CCZ1B: variants seen among roughly 807,000 people sequenced by gnomAD.
CCZ1B encodes the protein CCZ1B vacuolar protein trafficking and biogenesis associated.
CCZ1B carries 25 observed loss-of-function variants against 58.8 expected under a neutral mutation model. That is an observed-to-expected ratio of 0.43 (90% CI 0.31 to 0.59). The LOEUF (loss-of-function observed/expected upper bound fraction) is 0.59, where lower values mean the gene tolerates loss of function less well. CCZ1B is among the 20% of genes least tolerant of loss of function. The pLI is 0.12. For synonymous variants in CCZ1B, 66 were observed against 173.2 expected (o/e 0.38, Z 4.86); for missense variants, 180 against 501.5 (o/e 0.36, Z 6.12).
rs565470882 is a variant in CCZ1B at position 6,817,425 on chromosome 7, C to T, written c.698+2341G>A. ...GTCCCAGAGATCAGAATCTCAGCTA[C>T]CCTTCTCTTTTTGGTGGAAGCAAGG... On this transcript the variant is annotated intron_variant, in intron 7 of 14. Coordinates refer to ENST00000316731, the MANE Select transcript of CCZ1B (RefSeq NM_198097.5). 2.8e-4 allele frequency among the ~76,000 whole-genome samples: 42 copies of T among 150,532 alleles called. 1 individual carries two copies. In the East Asian group the frequency reaches 7.9e-3, roughly 28 times the overall value.
At position 6,814,848 on chromosome 7, in the gene CCZ1B, G is replaced by T. The variant is rs377404953; in HGVS notation, c.699-3C>A. 4.4e-5 allele frequency: 70 copies of T among 1,596,206 alleles called. 3 individuals carry two copies. The highest frequency in any genetic ancestry group is 5.8e-5 in the Non-Finnish European group (68 of 1,171,352). On this transcript the variant is annotated splice_polypyrimidine_tract_variant and splice_region_variant and intron_variant, in intron 7 of 14. Coordinates refer to ENST00000316731, the MANE Select transcript of CCZ1B (RefSeq NM_198097.5). Reference sequence around the variant, plus strand: ...TGTCATCTTGTTCTAATCCACTCCTGCAACAACAGAAAAGCACTGGGTTAA... The same window carrying T: ...TGTCATCTTGTTCTAATCCACTCCTTCAACAACAGAAAAGCACTGGGTTAA...
chr7:6,818,766 A>C (rs4724854), intron 7 of CCZ1B, among the ~76,000 whole-genome samples: 33,291 of 139,964 alleles, frequency 0.24, 4,802 homozygotes, highest in South Asian at 0.46. Context: ...GGAACATAAA[A>C]CTTGAGGGTC....
At chr7:6,821,360 C>T (rs1215009433) in intron 6 of CCZ1B, among the ~76,000 whole-genome samples, 1 of 151,858 alleles carries the variant, frequency 6.6e-6, no homozygotes, top group Non-Finnish European at 1.5e-5. Flanking sequence ...GTACTCAGGA[C>T]AACAGTTCTA....
At chr7:6,799,503 C>T in intron 14 of CCZ1B, 1 of 133,000 alleles carries the variant, frequency 7.5e-6, no homozygotes, top group Non-Finnish European at 1.2e-5. Flanking sequence ...TCTTGGCTCA[C>T]TGCAGCCTCT....
Position 6,804,122 on chromosome 7 carries a change from A to C in CCZ1B, c.1106+816T>G, listed in dbSNP as rs1230054250. On this transcript the variant is annotated intron_variant, in intron 12 of 14. Transcript: ENST00000316731. ...ACTTTCACTTTATAATAACTATTTTATATTGAGAAAAGATAGGCATGGCCG... is the reference window on the plus strand; with the variant it reads ...ACTTTCACTTTATAATAACTATTTTCTATTGAGAAAAGATAGGCATGGCCG... Among the ~76,000 whole-genome samples the C allele has an allele frequency of 4.0e-5, 6 of 150,660 alleles. No homozygotes were observed. The East Asian group carries it at 1.2e-3, about 30-fold the overall frequency.
In CCZ1B at chr7:6,801,111, C is replaced by T; in HGVS notation, c.1266-36G>A. The T allele has an allele frequency of 2.2e-6, 3 of 1,345,144 alleles. 1 individual carries two copies. The highest frequency in any genetic ancestry group is 1.9e-6 in the Non-Finnish European group (2 of 1,033,864). 83.3% of individuals were successfully genotyped at this position (1,345,144 alleles called of 1,614,324 possible). A position where few individuals can be genotyped will look rare whatever the true frequency, so the allele number is the denominator to read the frequency against. Reference sequence around the variant, plus strand: ...AGGGTCAAAATGCAATTGTTCGTTACTCATACGGCCAGACTGTGAGAATAA... The same window carrying T: ...AGGGTCAAAATGCAATTGTTCGTTATTCATACGGCCAGACTGTGAGAATAA... On this transcript the variant is annotated intron_variant, in intron 13 of 14. Transcript: ENST00000316731.
Position 6,818,425 on chromosome 7 carries a change from T to C in CCZ1B, c.698+1341A>G, listed in dbSNP as rs1489902777. Among the ~76,000 whole-genome samples, 2 of 149,234 alleles carry C rather than the reference T, an allele frequency of 1.3e-5. 1 individual carries two copies. Among genetic ancestry groups the C allele is most frequent in the Non-Finnish European group, 3.0e-5 (2 of 67,616 alleles). On this transcript the variant is annotated intron_variant, in intron 7 of 14. Transcript: ENST00000316731. ...TTAGCCGGGCATGGTGGCATATGCCTGTAATCCCAGCTACCTGGGAGGCTG... is the reference window on the plus strand; with the variant it reads ...TTAGCCGGGCATGGTGGCATATGCCCGTAATCCCAGCTACCTGGGAGGCTG...
At chr7:6,804,559 C>A (rs1461189625) in intron 12 of CCZ1B, among the ~76,000 whole-genome samples, 42 of 99,886 alleles carry the variant, frequency 4.2e-4, no homozygotes, top group Non-Finnish European at 7.0e-4. Flanking sequence ...TGCCCCACAT[C>A]CCAGCCAGTT....
intron 12 of CCZ1B, among the ~76,000 whole-genome samples, chr7:6,803,820 G>C (rs1483357194): frequency 1.3e-5 from 2 of 151,356 alleles, no homozygotes; most frequent in Non-Finnish European, 2.9e-5. Context: ...AATTAGCCAG[G>C]CATGATGGCA....
At chr7:6,822,670 G>T (rs1260325626) in intron 5 of CCZ1B, among the ~76,000 whole-genome samples, 1 of 141,140 alleles carries the variant, frequency 7.1e-6, no homozygotes, top group African/African-American at 2.7e-5. Context: ...ATTTTTCAGT[G>T]TTCTGTTAAT....
chr7:6,823,515 C>CTTTTTT (rs897480782), intron 4 of CCZ1B, among the ~76,000 whole-genome samples, 155 bp from the exon 5 acceptor site: 1,189 of 104,750 alleles, frequency 0.011, 26 homozygotes, highest in Middle Eastern at 0.033. Context: ...TGTTTGCGTT[C>CTTTTTT]TTTTTTTTTT....
At chr7:6,814,571 C>G (rs1461689095) in intron 8 of CCZ1B, 193 bp downstream of exon 8, 2 of 458,096 alleles carry the variant, frequency 4.4e-6, no homozygotes, top group Admixed American at 8.2e-5. Flanking sequence ...TGTATCACAT[C>G]TGAATGTCAC....
chr7:6,800,800 C>G (rs1303738804), intron 14 of CCZ1B, 148 bp downstream of exon 14: 6 of 324,618 alleles, frequency 1.8e-5, no homozygotes, highest in Admixed American at 1.7e-4. Flanking sequence ...TTCCAAGGAA[C>G]AGAAAATGGA....
rs1359118725 is a variant in CCZ1B at position 6,807,469 on chromosome 7, GA to G, written c.955-1433del. Among the ~76,000 whole-genome samples, 17 of 135,282 alleles carry G rather than the reference GA, an allele frequency of 1.3e-4. No individual in the cohort carries two copies. The East Asian group carries it at 2.7e-3, about 22-fold the overall frequency. 88.8% of individuals were successfully genotyped at this position (135,282 alleles called of 152,430 possible). A position where few individuals can be genotyped will look rare whatever the true frequency, so the allele number is the denominator to read the frequency against. ...GAAACCAAAAGTTGTTCTCTGAAAAGACCCAACATTGAAAAACTTTTCCTTT... is the reference window on the plus strand; with the variant it reads ...GAAACCAAAAGTTGTTCTCTGAAAAGCCCAACATTGAAAAACTTTTCCTTT... On this transcript the variant is annotated intron_variant, in intron 10 of 14. Transcript: ENST00000316731.
At chr7:6,822,547 A>G in intron 5 of CCZ1B, 183 bp from the exon 6 acceptor site, 1 of 1,182,188 alleles carries the variant, frequency 8.5e-7, no homozygotes. Context: ...AAATACTGTT[A>G]AGTGATGCTG....
chr7:6,808,408 A>G (rs199697112), intron 10 of CCZ1B, among the ~76,000 whole-genome samples: 2 of 122,452 alleles, frequency 1.6e-5, no homozygotes, highest in Middle Eastern at 4.4e-3. Context: ...ACAAAAAACA[A>G]AACAAAAACC....
intron 6 of CCZ1B, among the ~76,000 whole-genome samples, chr7:6,820,543 C>T (rs1783091985): frequency 6.8e-6 from 1 of 147,906 alleles, no homozygotes; most frequent in African/African-American, 2.6e-5. Flanking sequence ...TCTTGAACTT[C>T]TGGCCTCCGT....
intron 1 of CCZ1B, among the ~76,000 whole-genome samples, chr7:6,825,750 G>A (rs1783186271): frequency 8.0e-6 from 1 of 124,902 alleles, no homozygotes; most frequent in African/African-American, 3.2e-5. Context: ...GCTAGCGTCT[G>A]CCACCCTGGT....
intron 8 of CCZ1B, chr7:6,814,527 A>C (rs1782967411): frequency 5.2e-6 from 2 of 385,808 alleles, no homozygotes; most frequent in Non-Finnish European, 9.3e-6. Flanking sequence ...ACACACAAAA[A>C]AACCAACACA....
Sources: gnomAD v4.1 joint callset for allele counts (sites outside exome capture counted in the v4.1 genomes callset) on GRCh38, gnomAD v4.1.1 for gene constraint, MANE v1.5 for transcripts, NCBI Gene and HGNC (gene_info 2026-07-23, HGNC 2026-07-21) for gene names.